The following IMMP2L variants were observed in gnomAD, a reference collection of about 807,000 sequenced individuals.
IMMP2L encodes mitochondrial inner membrane protease subunit 2.
IMMP2L carries 18 observed loss-of-function variants against 19.3 expected under a neutral mutation model. The observed-to-expected ratio is 0.93, with a 90% CI of 0.64 to 1.38. The LOEUF (loss-of-function observed/expected upper bound fraction) is 1.38. Ranked by LOEUF, IMMP2L falls within the 40% of genes most tolerant of loss-of-function variation. IMMP2L has a pLI of 0.00. For missense variants in IMMP2L, 233 were observed against 218.2 expected (o/e 1.07, Z -0.43); for synonymous variants, 76 against 73.0 (o/e 1.04, Z -0.21).
chr7:111,044,769 T>C (rs1792231103), intron 3 of IMMP2L, among the ~76,000 whole-genome samples: 1 of 152,128 alleles, frequency 6.6e-6, no homozygotes, highest in Non-Finnish European at 1.5e-5. Flanking sequence ...TTTTATCCCA[T>C]CAACAAGTTA....
intron 5 of IMMP2L, among the ~76,000 whole-genome samples, chr7:110,742,269 A>C (rs1283049073): frequency 6.6e-6 from 1 of 152,248 alleles, no homozygotes. Context: ...GCACAATGGC[A>C]ATAACATAAC....
intron 5 of IMMP2L, among the ~76,000 whole-genome samples, chr7:110,679,928 T>G (rs550952753): frequency 4.6e-5 from 7 of 152,302 alleles, no homozygotes; most frequent in Admixed American, 1.3e-4. Context: ...GAGAGGACAC[T>G]TCACATTTTT....
chr7:110,828,350 G>A (rs1803683916), intron 5 of IMMP2L, among the ~76,000 whole-genome samples: 1 of 152,146 alleles, frequency 6.6e-6, no homozygotes, highest in Admixed American at 6.6e-5. Flanking sequence ...CTGCACAGTA[G>A]TAAGAGCGTT....
chr7:111,038,418 A>T (rs1344424655), intron 3 of IMMP2L, among the ~76,000 whole-genome samples: 1 of 152,076 alleles, frequency 6.6e-6, no homozygotes, highest in Non-Finnish European at 1.5e-5. Flanking sequence ...AGAGGAGAGG[A>T]AGTAGTAAAA....
intron 5 of IMMP2L, among the ~76,000 whole-genome samples, chr7:110,790,796 A>G (rs1800411857): frequency 6.6e-6 from 1 of 151,734 alleles, no homozygotes; most frequent in Non-Finnish European, 1.5e-5. Flanking sequence ...AAAGTTCCAA[A>G]ATTCAGTGAG....
chr7:110,826,487 C>G (rs190239577), intron 5 of IMMP2L, among the ~76,000 whole-genome samples: 3 of 152,188 alleles, frequency 2.0e-5, no homozygotes, highest in African/African-American at 7.2e-5. Flanking sequence ...CACATATACA[C>G]CATGGAATAC....
chr7:111,481,599 T>G (rs1034749341), intron 3 of IMMP2L, among the ~76,000 whole-genome samples: 18 of 133,398 alleles, frequency 1.3e-4, no homozygotes, highest in Non-Finnish European at 2.3e-4. Flanking sequence ...AAATATTATG[T>G]TTTTTTTTTT....
At chr7:111,288,113 C>G (rs1254286064) in intron 3 of IMMP2L, among the ~76,000 whole-genome samples, 1 of 151,966 alleles carries the variant, frequency 6.6e-6, no homozygotes, top group Non-Finnish European at 1.5e-5. Flanking sequence ...GTTTCCAATG[C>G]ACTAAGATAT....
chr7:110,746,835 T>G (rs1797377644), intron 5 of IMMP2L, among the ~76,000 whole-genome samples: 1 of 151,954 alleles, frequency 6.6e-6, no homozygotes, highest in African/African-American at 2.4e-5. Flanking sequence ...ACATCACAAT[T>G]GAAAGAACTA....
At chr7:110,697,442 C>T (rs891475519) in intron 5 of IMMP2L, among the ~76,000 whole-genome samples, 1 of 152,162 alleles carries the variant, frequency 6.6e-6, no homozygotes, top group East Asian at 1.9e-4. Flanking sequence ...CCAATAGAAT[C>T]ACAACAAATT....
chr7:110,920,082 T>C (rs1585269627), intron 4 of IMMP2L, among the ~76,000 whole-genome samples: 2 of 152,294 alleles, frequency 1.3e-5, no homozygotes, highest in Middle Eastern at 3.4e-3. Flanking sequence ...CTTGGGCCTT[T>C]GGCTATAGAC....
chr7:111,418,783 C>G (rs1328259039), intron 3 of IMMP2L, among the ~76,000 whole-genome samples: 1 of 151,690 alleles, frequency 6.6e-6, no homozygotes, highest in Non-Finnish European at 1.5e-5. Flanking sequence ...GAAGAGATTG[C>G]TCCTAAAACA....
intron 4 of IMMP2L, among the ~76,000 whole-genome samples, chr7:110,905,062 T>TTTG (rs1372007203): frequency 1.3e-5 from 2 of 152,226 alleles, no homozygotes; most frequent in African/African-American, 4.8e-5. Context: ...TACCACCTGC[T>TTTG]GTTTCACTTA....
intron 3 of IMMP2L, among the ~76,000 whole-genome samples, chr7:111,023,387 C>T (rs1826484842): frequency 6.6e-6 from 1 of 152,062 alleles, no homozygotes. Context: ...CAAAATGCTC[C>T]TTTCAAACAA....
At chr7:111,271,486 G>C (rs1266040438) in intron 3 of IMMP2L, among the ~76,000 whole-genome samples, 1 of 152,140 alleles carries the variant, frequency 6.6e-6, no homozygotes, top group Non-Finnish European at 1.5e-5. Flanking sequence ...TGGTTCTCAA[G>C]CTTCAGTGTA....
intron 3 of IMMP2L, among the ~76,000 whole-genome samples, chr7:111,462,743 A>G (rs1262746898): frequency 6.6e-6 from 1 of 152,112 alleles, no homozygotes; most frequent in Non-Finnish European, 1.5e-5. Context: ...ATTCTAATAC[A>G]GTTCGTCTAT....
intron 3 of IMMP2L, among the ~76,000 whole-genome samples, chr7:111,249,929 T>G (rs564633146): frequency 6.6e-6 from 1 of 151,980 alleles, no homozygotes; most frequent in Admixed American, 6.6e-5. Context: ...GAGAAAGAAA[T>G]AAAGGATATT....
At position 110,829,490 on chromosome 7, in the gene IMMP2L, T is replaced by C. The variant is rs564630575; in HGVS notation, c.408+57103A>G. Among the ~76,000 whole-genome samples the C allele has an allele frequency of 3.3e-5, 5 of 152,270 alleles. No individual in the cohort carries two copies. In the South Asian group the frequency reaches 1.0e-3, roughly 32 times the overall value. ...TATAGCTCATAAAATGTCTGAGGGGTGGTGTTCTATAATAAAACAACCCCA... is the reference window on the plus strand; with the variant it reads ...TATAGCTCATAAAATGTCTGAGGGGCGGTGTTCTATAATAAAACAACCCCA... On this transcript the variant is annotated intron_variant, in intron 5 of 5. Coordinates refer to ENST00000405709, the MANE Select transcript of IMMP2L (RefSeq NM_032549.4).
chr7:110,740,669 C>T (rs562377956), intron 5 of IMMP2L, among the ~76,000 whole-genome samples: 2 of 152,190 alleles, frequency 1.3e-5, no homozygotes, highest in South Asian at 2.1e-4. Context: ...CCTATTGACA[C>T]TAATTATCAG....
Sources: gnomAD v4.1 joint callset for allele counts (sites outside exome capture counted in the v4.1 genomes callset) on GRCh38, gnomAD v4.1.1 for gene constraint, MANE v1.5 for transcripts, NCBI Gene and HGNC (gene_info 2026-07-23, HGNC 2026-07-21) for gene names.